The following ST3GAL1 variants were observed in gnomAD, a reference collection of about 807,000 sequenced individuals.
The protein encoded by ST3GAL1 is CMP-N-acetylneuraminate-beta-galactosamide-alpha-2,3-sialyltransferase 1.
A neutral mutation model predicts 34.1 loss-of-function variants in ST3GAL1; 16 were observed. The ratio of observed to expected loss-of-function variants is 0.47; its 90% CI spans 0.32 to 0.71. The LOEUF (loss-of-function observed/expected upper bound fraction) is 0.71, where lower values mean the gene tolerates loss of function less well. Ranked by LOEUF, ST3GAL1 falls within the 30% of genes least tolerant of loss-of-function variation. The pLI, the probability that ST3GAL1 is intolerant of heterozygous loss-of-function variation, is 0.04. For synonymous variants in ST3GAL1, 191 were observed against 184.7 expected (o/e 1.03, Z -0.28); for missense variants, 353 against 447.4 (o/e 0.79, Z 1.90).
rs757985348 is a variant in ST3GAL1, at chr8:133,475,759, T to G, written c.266A>C (p.Gln89Pro). 2 of 1,612,224 alleles carry G rather than the reference T, an allele frequency of 1.2e-6. No homozygotes were observed. Among genetic ancestry groups the G allele is most frequent in the Non-Finnish European group, 1.7e-6 (2 of 1,178,858 alleles). ...NQTMQPLLTA[Q>P]NALLEDDTYR... ...GGTGTCGTCCTCCAAGAGCGCGTTC[T>G]GGGCGGTCAGCAGCGGCTGCATGGT... is the stretch of plus-strand genomic sequence containing the variant. The change falls in exon 5 of 10, where the codon CAG becomes CCG. Residue 89 changes from glutamine (Q) to proline (P), a missense_variant. Coordinates refer to ENST00000522652, the MANE Select transcript of ST3GAL1 (RefSeq NM_173344.3).
At chr8:133,544,067 T>A (rs116686711) in intron 2 of ST3GAL1, 1 of 152,234 alleles carries the variant, frequency 6.6e-6, no homozygotes, top group Admixed American at 6.5e-5. Flanking sequence ...TCTTTTCTCA[T>A]CAGTGGAGTC....
At chr8:133,465,566 A>C (rs1343185304) in intron 6 of ST3GAL1, 1 of 252,330 alleles carries the variant, frequency 4.0e-6, no homozygotes. Flanking sequence ...AGATTACAAA[A>C]TGGGGATGAA....
chr8:133,476,727 G>C (rs1392761198), intron 3 of ST3GAL1, 127 bp from the exon 4 acceptor site: 4 of 152,266 alleles, frequency 2.6e-5, no homozygotes, highest in Admixed American at 2.6e-4. Context: ...AACCTGGCAG[G>C]TGGCTCTGGA....
chr8:133,480,310 C>T (rs1326333993), intron 3 of ST3GAL1, among the ~76,000 whole-genome samples: 4 of 152,188 alleles, frequency 2.6e-5, no homozygotes, highest in Non-Finnish European at 5.9e-5. Context: ...AAGATAAACT[C>T]CTCTGGCAAT....
chr8:133,548,048 C>A (rs1818720086), intron 1 of ST3GAL1, among the ~76,000 whole-genome samples: 1 of 152,174 alleles, frequency 6.6e-6, no homozygotes, highest in Non-Finnish European at 1.5e-5. Flanking sequence ...TTGGCACCTG[C>A]TGATGGGGGC....
chr8:133,459,418 T>C lies in ST3GAL1; in HGVS notation c.*346A>G, dbSNP rs186313534. The stretch of plus-strand genomic sequence containing the variant: ...TGGGAAACTGTCCTGTCTCTCAGAA[T>C]ATAGGCATCTTCCACATTCATTCCC... On this transcript the variant is annotated 3_prime_UTR_variant, in exon 10 of 10. Transcript: ENST00000522652. This position sits in a 1 kb window ranked among gnomAD's most constrained non-coding sequence, Gnocchi z 4.7. 6.0e-4 allele frequency: 116 copies of C among 194,216 alleles called. No homozygotes were observed. Among genetic ancestry groups the C allele is most frequent in the African/African-American group, 2.5e-3 (108 of 43,212 alleles). The allele number at this position is 194,216 out of a possible 1,614,324, so 12.0% of individuals were successfully genotyped here. A position where few individuals can be genotyped will look rare whatever the true frequency, so the allele number is the denominator to read the frequency against.
rs928068467 is a variant in ST3GAL1, at chr8:133,466,736, G to A, written c.307-646C>T. 1.8e-4 allele frequency among the ~76,000 whole-genome samples: 27 copies of A among 152,222 alleles called. No homozygotes were observed. Among genetic ancestry groups the A allele is most frequent in the African/African-American group, 6.3e-4 (26 of 41,450 alleles). ...AGCACTGCTGGGCTCCAGCCAGATT[G>A]AAGAATCAGCAGTTTGCTGGATGCA... On this transcript the variant is annotated intron_variant, in intron 5 of 9. Transcript: ENST00000522652. The surrounding 1 kb of genome is among the most constrained non-coding windows in gnomAD (Gnocchi z 4.4).
intron 1 of ST3GAL1, among the ~76,000 whole-genome samples, chr8:133,559,732 G>A (rs929383335): frequency 6.6e-6 from 1 of 152,166 alleles, no homozygotes; most frequent in Admixed American, 6.5e-5. Context: ...CAACAGCGAC[G>A]CTGACGATTC....
chr8:133,517,346 TTTTTA>T (rs1380047524), intron 2 of ST3GAL1, among the ~76,000 whole-genome samples: 1 of 152,142 alleles, frequency 6.6e-6, no homozygotes, highest in Non-Finnish European at 1.5e-5. Flanking sequence ...CTTTTTTATT[TTTTTA>T]TTTTATTATT....
At chr8:133,479,222 A>G (rs1284686772) in intron 3 of ST3GAL1, among the ~76,000 whole-genome samples, 1 of 152,122 alleles carries the variant, frequency 6.6e-6, no homozygotes, top group Non-Finnish European at 1.5e-5. Context: ...GCTGGGGTGC[A>G]TCGTAAAAGG....
At chr8:133,464,708 G>C (rs1448702606) in intron 7 of ST3GAL1, 70 bp downstream of exon 7, 1 of 1,529,536 alleles carries the variant, frequency 6.5e-7, no homozygotes. Flanking sequence ...GCAGGACCAC[G>C]GCAGGGTGGG....
chr8:133,529,405 A>G (rs1162581958), intron 2 of ST3GAL1, among the ~76,000 whole-genome samples: 1 of 152,222 alleles, frequency 6.6e-6, no homozygotes, highest in East Asian at 1.9e-4. Flanking sequence ...CGTAAAACTC[A>G]GGACCTGCTG....
rs1306132138 is a variant in ST3GAL1, at chr8:133,467,375, G to A, written c.307-1285C>T. Among the ~76,000 whole-genome samples, 3 of 152,190 alleles carry A rather than the reference G, an allele frequency of 2.0e-5. No individual in the cohort carries two copies. Among genetic ancestry groups the A allele is most frequent in the Admixed American group, 6.5e-5 (1 of 15,278 alleles). The stretch of plus-strand genomic sequence containing the variant: ...GTTGGTGCCTCAGCCTTCCTCACTC[G>A]TGGTAAACCCTGGAGAGATTTCATA... On this transcript the variant is annotated intron_variant, in intron 5 of 9. Transcript: ENST00000522652. This position sits in a 1 kb window ranked among gnomAD's most constrained non-coding sequence, Gnocchi z 4.2.
In ST3GAL1 at chr8:133,571,438, C is replaced by A. The variant is rs1357091254; in HGVS notation, c.-582+255G>T. Among the ~76,000 whole-genome samples the A allele has an allele frequency of 6.6e-6, 1 of 152,168 alleles. No homozygotes were observed. Among genetic ancestry groups the A allele is most frequent in the Non-Finnish European group, 1.5e-5 (1 of 68,026 alleles). On this transcript the variant is annotated intron_variant, in intron 1 of 9. Transcript: ENST00000522652. This position sits in a 1 kb window ranked among gnomAD's most constrained non-coding sequence, Gnocchi z 6.7. ...CCGAACCTCCACCCCGACCTTCTTC[C>A]TCTCCCAAAGCCCTGGGTGGTCGCC... is the stretch of plus-strand genomic sequence containing the variant.
At chr8:133,554,837 G>A (rs895483398) in intron 1 of ST3GAL1, among the ~76,000 whole-genome samples, 5 of 150,040 alleles carry the variant, frequency 3.3e-5, no homozygotes, top group African/African-American at 9.9e-5. Flanking sequence ...AGCGATTCTC[G>A]TGCCTCAGCC....
In ST3GAL1 at chr8:133,556,621, C is replaced by T. The variant is rs187801957; in HGVS notation, c.-581-10695G>A. On this transcript the variant is annotated intron_variant, in intron 1 of 9. Transcript: ENST00000522652. The surrounding 1 kb of genome is among the most constrained non-coding windows in gnomAD (Gnocchi z 8.9). ...GAACAAGATTTTTAGGATGAAGAAA[C>T]GAAAGAAGAAAGGGAGGGAGAAAAA... is the stretch of plus-strand genomic sequence containing the variant. 1.2e-4 allele frequency among the ~76,000 whole-genome samples: 18 copies of T among 151,236 alleles called. No homozygotes were observed. Among genetic ancestry groups the T allele is most frequent in the South Asian group, 8.4e-4 (4 of 4,764 alleles).
intron 2 of ST3GAL1, among the ~76,000 whole-genome samples, chr8:133,545,098 A>G (rs1818641018): frequency 6.6e-6 from 1 of 152,248 alleles, no homozygotes; most frequent in Non-Finnish European, 1.5e-5. Flanking sequence ...GATGTGACTG[A>G]GGCCTGAATT....
At chr8:133,465,233 C>CT (rs1219983870) in intron 6 of ST3GAL1, among the ~76,000 whole-genome samples, 2 of 152,082 alleles carry the variant, frequency 1.3e-5, no homozygotes, top group Non-Finnish European at 2.9e-5. Flanking sequence ...TTCCACAGCC[C>CT]TTTTTTTGCA....
intron 9 of ST3GAL1, among the ~76,000 whole-genome samples, chr8:133,460,435 G>A (rs1186741100): frequency 1.3e-5 from 2 of 152,228 alleles, no homozygotes; most frequent in Non-Finnish European, 2.9e-5. Context: ...AATCATGATT[G>A]CAGTGAGGCA....
Sources: gnomAD v4.1 joint callset for allele counts (sites outside exome capture counted in the v4.1 genomes callset) on GRCh38, gnomAD v4.1.1 for gene constraint, Gnocchi (gnomAD v3.1) non-coding constraint, MANE v1.5 for transcripts, NCBI Gene and HGNC (gene_info 2026-07-23, HGNC 2026-07-21) for gene names.